BANK1: variants seen among roughly 807,000 people sequenced by gnomAD.
The protein encoded by BANK1 is B cell scaffold protein with ankyrin repeats 1.
BANK1 carries 95 observed loss-of-function variants against 94.5 expected under a neutral mutation model. The observed-to-expected ratio is 1.00, with a 90% confidence interval of 0.85 to 1.19. The LOEUF (loss-of-function observed/expected upper bound fraction) is 1.19, where lower values mean the gene tolerates loss of function less well. Among genes scored for constraint, BANK1 ranks in the 50% most tolerant of loss-of-function variants. The pLI is 0.00. For synonymous variants in BANK1, 334 were observed against 308.4 expected, an observed-to-expected ratio of 1.08 and a Z score of -0.87; for missense variants, 987 against 932.2, an observed-to-expected ratio of 1.06 and a Z score of -0.77.
chr4:101,880,316 TA>T (rs1050315208), intron 5 of BANK1, among the ~76,000 whole-genome samples: 21 of 151,046 alleles, frequency 1.4e-4, no homozygotes, highest in Admixed American at 4.6e-4. Context: ...GAACAAGAAA[TA>T]AAAAAAAGTC....
chr4:101,893,992 ATTTG>A (rs1721972849), intron 5 of BANK1, among the ~76,000 whole-genome samples: 1 of 151,952 alleles, frequency 6.6e-6, no homozygotes, highest in Admixed American at 6.6e-5. Flanking sequence ...CCTATATGCA[ATTTG>A]TTTGTTTAGT....
At chr4:101,800,409 T>C (rs1249818106) in intron 1 of BANK1, among the ~76,000 whole-genome samples, 2 of 152,188 alleles carry the variant, frequency 1.3e-5, no homozygotes, top group East Asian at 1.9e-4. Flanking sequence ...TTTGTTTTTT[T>C]GGTATTGATC....
At chr4:102,036,958 TAA>T (rs1727532065) in intron 10 of BANK1, 1 of 152,174 alleles carries the variant, frequency 6.6e-6, no homozygotes, top group African/African-American at 2.4e-5. Flanking sequence ...GAACTGACAT[TAA>T]AAGATTTTCA....
At chr4:101,818,134 A>C (rs12505627) in intron 1 of BANK1, among the ~76,000 whole-genome samples, 11,493 of 152,236 alleles carry the variant, frequency 0.075, 635 homozygotes, top group Admixed American at 0.19. Flanking sequence ...ACTGTATGGC[A>C]TATAGATATG....
chr4:101,820,889 T>C (rs1180539323), intron 1 of BANK1, among the ~76,000 whole-genome samples: 1 of 152,134 alleles, frequency 6.6e-6, no homozygotes, highest in Non-Finnish European at 1.5e-5. Flanking sequence ...GGCTCTTAGG[T>C]TGATACCATG....
At chr4:102,031,230 A>C (rs1727295939) in intron 10 of BANK1, among the ~76,000 whole-genome samples, 1 of 152,170 alleles carries the variant, frequency 6.6e-6, no homozygotes, top group African/African-American at 2.4e-5. Context: ...TGGCTGCATA[A>C]ATGTCTTCTT....
intron 2 of BANK1, among the ~76,000 whole-genome samples, chr4:101,839,257 A>C (rs1181657626): frequency 6.6e-6 from 1 of 152,128 alleles, no homozygotes; most frequent in Non-Finnish European, 1.5e-5. Context: ...TATAAGTTGC[A>C]TAATAGAAGG....
At chr4:102,021,413 T>C (rs1726894514) in intron 7 of BANK1, 101 bp from the exon 8 acceptor site, 2 of 441,570 alleles carry the variant, frequency 4.5e-6, no homozygotes, top group Non-Finnish European at 8.1e-6. Context: ...ATCTGTAATA[T>C]AATATTTAAA....
chr4:101,900,910 G>T (rs532591095), intron 6 of BANK1, among the ~76,000 whole-genome samples: 227 of 152,218 alleles, frequency 1.5e-3, no homozygotes, highest in Non-Finnish European at 2.6e-3. Flanking sequence ...TGAGTCCTAC[G>T]CATTGTTGTA....
At chr4:102,073,274 T>TATTA (rs1728816023) in intron 15 of BANK1, among the ~76,000 whole-genome samples, 1 of 150,686 alleles carries the variant, frequency 6.6e-6, no homozygotes, top group South Asian at 2.1e-4. Context: ...TATAGATATA[T>TATTA]ATTATAGACT....
intron 7 of BANK1, among the ~76,000 whole-genome samples, chr4:102,007,112 A>ATATATT (rs1726307855): frequency 2.0e-5 from 1 of 50,742 alleles, no homozygotes; most frequent in African/African-American, 6.7e-5. Flanking sequence ...TATATATATA[A>ATATATT]ATATATATTT....
At chr4:101,810,553 A>G (rs1451023091) in intron 1 of BANK1, among the ~76,000 whole-genome samples, 1 of 152,244 alleles carries the variant, frequency 6.6e-6, no homozygotes, top group East Asian at 1.9e-4. Flanking sequence ...TTGGCAAGAT[A>G]TATATTTATA....
At chr4:101,993,803 TA>T (rs1243404687) in intron 7 of BANK1, among the ~76,000 whole-genome samples, 1 of 152,214 alleles carries the variant, frequency 6.6e-6, no homozygotes, top group Non-Finnish European at 1.5e-5. Context: ...AGCTTTTGGC[TA>T]AATGCCTTCC....
At chr4:101,974,738 AGGAG>A (rs1725067926) in intron 7 of BANK1, among the ~76,000 whole-genome samples, 1 of 151,964 alleles carries the variant, frequency 6.6e-6, no homozygotes, top group Non-Finnish European at 1.5e-5. Flanking sequence ...ACCTGATGTC[AGGAG>A]TTCGAGACCA....
chr4:102,034,154 G>A (rs540747897), intron 10 of BANK1, among the ~76,000 whole-genome samples: 1 of 152,214 alleles, frequency 6.6e-6, no homozygotes, highest in South Asian at 2.1e-4. Flanking sequence ...CCCAAAAATG[G>A]TATCAGTATA....
chr4:101,833,036 A>G (rs1163592352), intron 2 of BANK1, among the ~76,000 whole-genome samples: 7 of 151,448 alleles, frequency 4.6e-5, no homozygotes, highest in Non-Finnish European at 5.9e-5. Flanking sequence ...CTGGAGTGCA[A>G]TGGCACAATC....
intron 7 of BANK1, among the ~76,000 whole-genome samples, chr4:101,961,320 C>G (rs1355252724): frequency 1.3e-5 from 2 of 152,162 alleles, no homozygotes; most frequent in African/African-American, 4.8e-5. Flanking sequence ...TCAGCCATGT[C>G]CAGACTCTCA....
intron 6 of BANK1, among the ~76,000 whole-genome samples, chr4:101,914,113 C>G (rs1471048427): frequency 6.6e-6 from 1 of 152,146 alleles, no homozygotes. Flanking sequence ...TGTTGTTTGT[C>G]TATGCCTGAC....
intron 1 of BANK1, among the ~76,000 whole-genome samples, chr4:101,791,554 A>G (rs886733216): frequency 1.3e-5 from 2 of 152,240 alleles, no homozygotes; most frequent in East Asian, 3.8e-4. Flanking sequence ...AATGGACGTT[A>G]AGGCAGTTTT....
Sources: gnomAD v4.1 joint callset for allele counts (sites outside exome capture counted in the v4.1 genomes callset) on GRCh38, gnomAD v4.1.1 for gene constraint, MANE v1.5 for transcripts, NCBI Gene and HGNC (gene_info 2026-07-23, HGNC 2026-07-21) for gene names.